CTSB: variants seen among roughly 807,000 people sequenced by gnomAD.
The protein encoded by CTSB is APP secretase.
In CTSB, 57 loss-of-function variants were observed where a neutral mutation model predicts 44.3. The observed-to-expected ratio is 1.29, with a 90% CI of 1.04 to 1.60. The LOEUF (loss-of-function observed/expected upper bound fraction) is 1.60. Ranked by LOEUF, CTSB falls within the 40% of genes most tolerant of loss-of-function variation. The probability of loss-of-function intolerance (pLI) is 0.00; values close to 1 mark genes in which losing one functional copy is unlikely to be tolerated. For missense variants in CTSB, 768 were observed against 443.0 expected (o/e 1.73, Z -6.59); for synonymous variants, 320 against 168.0 (o/e 1.91, Z -7.00).
At chr8:11,845,892 T>A in intron 8 of CTSB, 103 bp from the exon 9 acceptor site, 1 of 1,377,736 alleles carries the variant, frequency 7.3e-7, no homozygotes. Flanking sequence ...GAGAAACAGC[T>A]TCCAGAGGGA....
Position 11,844,403 on chromosome 8 carries a change from G to C in CTSB, c.*722C>G, listed in dbSNP as rs1327319511. The stretch of plus-strand genomic sequence containing the variant: ...CTGTAATTTTTCAAAAACAGTAAAA[G>C]CTGGTTTCTCCTAAACTATTTTCCT... On this transcript the variant is annotated 3_prime_UTR_variant, in exon 10 of 10. Coordinates refer to ENST00000353047, the MANE Select transcript of CTSB (RefSeq NM_001908.5). 1 of 152,172 alleles carries C rather than the reference G, an allele frequency of 6.6e-6. No individual in the cohort carries two copies. Among genetic ancestry groups the C allele is most frequent in the Non-Finnish European group, 1.5e-5 (1 of 68,038 alleles). 9.4% of individuals were successfully genotyped at this position (152,172 alleles called of 1,614,324 possible).
chr8:11,847,018 C>A lies in CTSB; in HGVS notation c.793+34G>T, dbSNP rs370007100. 5.4e-5 allele frequency: 62 copies of A among 1,155,952 alleles called. No homozygotes were observed. In the African/African-American group the frequency reaches 7.8e-4, roughly 15 times the overall value. 71.6% of individuals were successfully genotyped at this position (1,155,952 alleles called of 1,614,324 possible). ...GGCACCCAGGCTCCCCTCCCGACCC[C>A]CACCCTCTATTGCCATCAGCCATCA... is the stretch of plus-strand genomic sequence containing the variant. On this transcript the variant is annotated intron_variant, in intron 8 of 9. Transcript: ENST00000353047.
Position 11,850,959 on chromosome 8 carries a change from C to A in CTSB, c.234G>T (p.Leu78=). 6.2e-7 allele frequency: 1 copy of A among 1,612,990 alleles called. No homozygotes were observed. The highest frequency in any genetic ancestry group is 8.5e-7 in the Non-Finnish European group (1 of 1,179,286). Reference sequence around the variant, plus strand: ...GTGCATCGAAGCTTGCAGGCAGCTTCAGGTCCTCGGTAAACATAACTCTGG... The same window carrying A: ...GTGCATCGAAGCTTGCAGGCAGCTTAAGGTCCTCGGTAAACATAACTCTGG... ...PPQRVMFTED[L]KLPASFDARE... is the part of the protein sequence containing the mutation. Residue 78 remains leucine (L), a synonymous_variant, in exon 4 of 10, where the codon CTG becomes CTT. Coordinates refer to ENST00000353047, the MANE Select transcript of CTSB (RefSeq NM_001908.5).
intron 1 of CTSB, among the ~76,000 whole-genome samples, chr8:11,863,864 C>T (rs772138858): frequency 2.0e-5 from 3 of 152,150 alleles, no homozygotes; most frequent in Non-Finnish European, 2.9e-5. Context: ...AACCCTTTGC[C>T]AGCATCTAGC....
intron 1 of CTSB, among the ~76,000 whole-genome samples, chr8:11,859,919 A>G (rs1331262253): frequency 6.6e-6 from 1 of 151,984 alleles, no homozygotes; most frequent in Admixed American, 6.6e-5. Flanking sequence ...CTAAAAATAC[A>G]AAACTCAGCC....
At chr8:11,864,434 T>TGCTC (rs1816837166) in intron 1 of CTSB, 1 of 150,842 alleles carries the variant, frequency 6.6e-6, no homozygotes, top group Non-Finnish European at 1.5e-5. Context: ...GAGGCTGCCG[T>TGCTC]GAGCCGTGGT....
chr8:11,848,146 A>G lies in CTSB; in HGVS notation c.453T>C (p.Asn151=). 6.2e-7 allele frequency: 1 copy of G among 1,613,960 alleles called. No homozygotes were observed. Among genetic ancestry groups the G allele is most frequent in the Non-Finnish European group, 8.5e-7 (1 of 1,179,822 alleles). ...CCGSMCGDGC[N]GGYPAEAWNF... Reference sequence around the variant, plus strand: ...TCCAAGCTTCAGCAGGATAGCCACCATTACAGCTGAAAAGACAGCCTCTAA... The same window carrying G: ...TCCAAGCTTCAGCAGGATAGCCACCGTTACAGCTGAAAAGACAGCCTCTAA... The change falls in exon 6 of 10, where the codon AAT becomes AAC. Residue 151 remains asparagine, a synonymous_variant. Transcript: ENST00000353047.
intron 3 of CTSB, among the ~76,000 whole-genome samples, chr8:11,851,760 G>T (rs767251364): frequency 1.3e-5 from 2 of 151,916 alleles, no homozygotes; most frequent in African/African-American, 4.8e-5. Flanking sequence ...TCTGCCTCCC[G>T]GGTTCATGCG....
Position 11,856,880 on chromosome 8 carries a change from C to G in CTSB, c.-25-3401G>C, listed in dbSNP as rs140076219. Among the ~76,000 whole-genome samples the G allele has an allele frequency of 1.2e-3, 185 of 152,002 alleles. 1 individual carries two copies. Among genetic ancestry groups the G allele is most frequent in the African/African-American group, 4.3e-3 (178 of 41,448 alleles). On this transcript the variant is annotated intron_variant, in intron 1 of 9. Coordinates refer to ENST00000353047, the MANE Select transcript of CTSB (RefSeq NM_001908.5). ...GAAAAAAAAAAAAGTGAGTATGTTC[C>G]TATTATTTCAGTTTTGTTTCTTCTA...
chr8:11,852,547 C>G, intron 3 of CTSB, 63 bp downstream of exon 3: 1 of 1,399,712 alleles, frequency 7.1e-7, no homozygotes, highest in Non-Finnish European at 9.9e-7. Context: ...TCTCCCACTT[C>G]CCACTGCCCC....
At position 11,856,410 on chromosome 8, in the gene CTSB, T is replaced by TA. The variant is rs561907384; in HGVS notation, c.-25-2932dup. Among the ~76,000 whole-genome samples the TA allele has an allele frequency of 9.6e-4, 146 of 152,230 alleles. 6 individuals are homozygous for TA. In the South Asian group the frequency reaches 0.028, roughly 29 times the overall value. ...GGTTGGATCACCTGAGGTCAGGAGT[T>TA]AGAGACCAGCCTGACTAAGGTGGTG... On this transcript the variant is annotated intron_variant, in intron 1 of 9. Transcript: ENST00000353047.
chr8:11,845,816 C>T lies in CTSB; in HGVS notation c.794-27G>A, dbSNP rs192929398. The T allele has an allele frequency of 7.2e-5, 115 of 1,593,766 alleles. No homozygotes were observed. The African/African-American group carries it at 9.9e-4, about 14-fold the overall frequency. ...TGAAAAGGGAAGAACTGGCTGAGAC[C>T]GAGACCGGGCCACTGTCCCACGCCC... is the stretch of plus-strand genomic sequence containing the variant. On this transcript the variant is annotated intron_variant, in intron 8 of 9. Coordinates refer to ENST00000353047, the MANE Select transcript of CTSB (RefSeq NM_001908.5).
intron 5 of CTSB, chr8:11,848,406 C>G (rs1252542679): frequency 4.9e-6 from 3 of 617,052 alleles, no homozygotes; most frequent in Middle Eastern, 2.5e-4. Flanking sequence ...CTGTTCATGT[C>G]CATACCAGAC....
chr8:11,864,745 C>G (rs1816885023), intron 1 of CTSB, among the ~76,000 whole-genome samples: 1 of 151,866 alleles, frequency 6.6e-6, no homozygotes, highest in African/African-American at 2.4e-5. Context: ...CATTTGAGGT[C>G]TCTACTAAAA....
intron 1 of CTSB, among the ~76,000 whole-genome samples, chr8:11,860,890 G>C (rs751491635): frequency 7.9e-5 from 12 of 152,212 alleles, no homozygotes; most frequent in Non-Finnish European, 1.3e-4. Flanking sequence ...CACAAAACAA[G>C]ACTTCGGCGA....
rs375654966 is a variant in CTSB at position 11,852,704 on chromosome 8, G to C, written c.127-9C>G. The C allele has an allele frequency of 9.0e-5, 145 of 1,613,434 alleles. 1 individual carries two copies. The South Asian group carries it at 1.2e-3, about 14-fold the overall frequency. On this transcript the variant is annotated splice_polypyrimidine_tract_variant and intron_variant, in intron 2 of 9. Transcript: ENST00000353047. ...TAGAAGTTGTGCCCGGCCTGGAAGA[G>C]AGTCACCCACTGACTGAAGGGTCTC...
chr8:11,848,585 T>C, intron 5 of CTSB: 1 of 332,276 alleles, frequency 3.0e-6, no homozygotes, highest in South Asian at 2.6e-5. Context: ...CCCTCAGGCA[T>C]TTCGGATCTG....
At chr8:11,845,244 C>CTT in intron 9 of CTSB, 22 bp from the exon 10 acceptor site, 1 of 1,573,732 alleles carries the variant, frequency 6.4e-7, no homozygotes, top group Non-Finnish European at 8.7e-7. Flanking sequence ...AAGTAAGGTG[C>CTT]TTTTAAAGTG....
rs373884660 is a variant in CTSB, at chr8:11,847,003, C to G, written c.793+49G>C. 55 of 904,742 alleles carry G rather than the reference C, an allele frequency of 6.1e-5. No homozygotes were observed. In the African/African-American group the frequency reaches 7.9e-4, roughly 13 times the overall value. 56.0% of individuals were successfully genotyped at this position (904,742 alleles called of 1,614,324 possible). On this transcript the variant is annotated intron_variant, in intron 8 of 9. Transcript: ENST00000353047. ...AACATGAACCATCCTGGCACCCAGG[C>G]TCCCCTCCCGACCCCCACCCTCTAT...
Sources: allele counts gnomAD v4.1 joint callset (sites outside exome capture counted in the v4.1 genomes callset), GRCh38; gene constraint gnomAD v4.1.1; transcripts MANE v1.5; gene names NCBI Gene and HGNC (gene_info 2026-07-23, HGNC 2026-07-21).